SLC44A5: variants seen among roughly 807,000 people sequenced by gnomAD.
SLC44A5 encodes the protein choline transporter-like protein 5.
A neutral mutation model predicts 101.8 loss-of-function variants in SLC44A5; 57 were observed. That is an observed-to-expected ratio of 0.56 (90% CI 0.45 to 0.70). The LOEUF (loss-of-function observed/expected upper bound fraction) is 0.70, where lower values mean the gene tolerates loss of function less well. Among genes scored for constraint, SLC44A5 ranks in the 30% least tolerant of loss-of-function variants. The pLI is 0.00. For missense variants in SLC44A5, 737 were observed against 853.1 expected, an observed-to-expected ratio of 0.86 and a Z score of 1.70; for synonymous variants, 281 against 290.9, an observed-to-expected ratio of 0.97 and a Z score of 0.35.
chr1:75,400,935 G>C (rs1285136140), intron 2 of SLC44A5, among the ~76,000 whole-genome samples: 2 of 152,214 alleles, frequency 1.3e-5, no homozygotes, highest in African/African-American at 4.8e-5. Context: ...GCTGTTGTCT[G>C]TCCAAACTAT....
intron 4 of SLC44A5, among the ~76,000 whole-genome samples, chr1:75,338,421 G>A (rs1657614842): frequency 6.6e-6 from 1 of 152,124 alleles, no homozygotes; most frequent in Admixed American, 6.5e-5. Context: ...TTCTAAATGT[G>A]TCAGCCTATT....
intron 3 of SLC44A5, among the ~76,000 whole-genome samples, chr1:75,340,183 C>T (rs1657768048): frequency 6.6e-6 from 1 of 152,164 alleles, no homozygotes; most frequent in South Asian, 2.1e-4. Flanking sequence ...AATCTACTGG[C>T]AGACTTCATG....
At chr1:75,626,019 G>C in the SLC44A5 span, among the ~76,000 whole-genome samples, 1 of 152,100 alleles carries the variant, frequency 6.6e-6, no homozygotes, top group African/African-American at 2.4e-5. Context: ...TTGTGGGGAA[G>C]AACATCTGAG....
At chr1:75,617,533 A>C in the SLC44A5 span, among the ~76,000 whole-genome samples, 1 of 152,240 alleles carries the variant, frequency 6.6e-6, no homozygotes, top group African/African-American at 2.4e-5. Context: ...CAAAATCATC[A>C]CAAGTTATTT....
In SLC44A5 at chr1:75,334,260, C is replaced by T. The variant is rs140169453; in HGVS notation, c.101+5322G>A. 2.3e-3 allele frequency among the ~76,000 whole-genome samples: 347 copies of T among 152,196 alleles called. 1 individual carries two copies. In the South Asian group the frequency reaches 0.023, roughly 10 times the overall value. Reference sequence around the variant, plus strand: ...GTGTGTCTTCTGAGCTGAGAAAAGTCTCTGGTATATAATGCATATTTGCTG... The same window carrying T: ...GTGTGTCTTCTGAGCTGAGAAAAGTTTCTGGTATATAATGCATATTTGCTG... On this transcript the variant is annotated intron_variant, in intron 4 of 23. Transcript: ENST00000370859.
the SLC44A5 span, among the ~76,000 whole-genome samples, chr1:75,620,523 T>C: frequency 6.6e-6 from 1 of 152,210 alleles, no homozygotes; most frequent in South Asian, 2.1e-4. Flanking sequence ...ATCACCATTC[T>C]AACTGGCGTG....
chr1:75,273,314 A>G (rs1651644752), intron 6 of SLC44A5, among the ~76,000 whole-genome samples: 1 of 152,142 alleles, frequency 6.6e-6, no homozygotes, highest in African/African-American at 2.4e-5. Flanking sequence ...CTATGTGATC[A>G]TATCATCAGC....
intron 3 of SLC44A5, among the ~76,000 whole-genome samples, chr1:75,368,878 T>C (rs115253508): frequency 1.3e-5 from 2 of 152,208 alleles, no homozygotes; most frequent in African/African-American, 4.8e-5. Flanking sequence ...TACTAACCAA[T>C]TAAATACATA....
At chr1:75,239,178 C>A (rs1445438627) in intron 9 of SLC44A5, among the ~76,000 whole-genome samples, 1 of 152,028 alleles carries the variant, frequency 6.6e-6, no homozygotes, top group African/African-American at 2.4e-5. Flanking sequence ...TCATTTACAA[C>A]AGTTTTTTAG....
At chr1:75,587,222 A>C (rs986314579) in intron 1 of SLC44A5, among the ~76,000 whole-genome samples, 6 of 152,196 alleles carry the variant, frequency 3.9e-5, no homozygotes, top group African/African-American at 1.4e-4. Flanking sequence ...AGAGGAATGC[A>C]GCTGAGCTAA....
At chr1:75,654,532 T>C in the SLC44A5 span, among the ~76,000 whole-genome samples, 8 of 152,130 alleles carry the variant, frequency 5.3e-5, no homozygotes, top group Non-Finnish European at 1.0e-4. Context: ...AGAAACATGA[T>C]AAAAGGGTCA....
the SLC44A5 span, among the ~76,000 whole-genome samples, chr1:75,682,348 C>A: frequency 6.6e-6 from 1 of 152,056 alleles, no homozygotes; most frequent in Non-Finnish European, 1.5e-5. Context: ...TACCTGACTT[C>A]AAACTATACT....
intron 2 of SLC44A5, among the ~76,000 whole-genome samples, chr1:75,434,168 C>T (rs923545782): frequency 6.6e-6 from 1 of 152,152 alleles, no homozygotes; most frequent in Non-Finnish European, 1.5e-5. Context: ...ACAGCACCAT[C>T]CTCCTGGTTA....
At chr1:75,502,553 TTTA>T (rs1669019764) in intron 2 of SLC44A5, among the ~76,000 whole-genome samples, 1 of 147,884 alleles carries the variant, frequency 6.8e-6, no homozygotes, top group African/African-American at 2.5e-5. Context: ...TTTTTATTTG[TTTA>T]TTTTTTTATT....
the SLC44A5 span, among the ~76,000 whole-genome samples, chr1:75,663,239 G>A: frequency 6.6e-6 from 1 of 152,110 alleles, no homozygotes; most frequent in Non-Finnish European, 1.5e-5. Flanking sequence ...GCTTTTGGAA[G>A]GTAATTAGCT....
chr1:75,680,801 CA>C, the SLC44A5 span, among the ~76,000 whole-genome samples: 1 of 147,880 alleles, frequency 6.8e-6, no homozygotes, highest in African/African-American at 2.5e-5. Flanking sequence ...AAAAACCCTT[CA>C]AAAAATTAAT....
chr1:75,518,063 C>T (rs1044829938), intron 2 of SLC44A5, among the ~76,000 whole-genome samples: 1 of 152,196 alleles, frequency 6.6e-6, no homozygotes, highest in African/African-American at 2.4e-5. Flanking sequence ...CTTAAAGCTA[C>T]ATATATATTC....
intron 2 of SLC44A5, among the ~76,000 whole-genome samples, chr1:75,510,614 T>C (rs1669513976): frequency 6.6e-6 from 1 of 152,174 alleles, no homozygotes; most frequent in South Asian, 2.1e-4. Context: ...AACATCACTA[T>C]GGAGCTACAA....
the SLC44A5 span, among the ~76,000 whole-genome samples, chr1:75,722,090 A>AC: frequency 6.6e-6 from 1 of 152,190 alleles, no homozygotes; most frequent in Admixed American, 6.5e-5. Context: ...CTTATCTACA[A>AC]CCTACAGATC....
Sources: gnomAD v4.1 joint callset for allele counts (sites outside exome capture counted in the v4.1 genomes callset) on GRCh38, gnomAD v4.1.1 for gene constraint, MANE v1.5 for transcripts, NCBI Gene and HGNC (gene_info 2026-07-23, HGNC 2026-07-21) for gene names.